Variants in PDZD2 observed in about 807,000 individuals in gnomAD.
PDZD2 encodes PDZ domain-containing protein 2.
A neutral mutation model predicts 220.7 loss-of-function variants in PDZD2; 90 were observed. The observed-to-expected ratio is 0.41, with a 90% CI of 0.34 to 0.49. The LOEUF (loss-of-function observed/expected upper bound fraction) is 0.49, where lower values mean the gene tolerates loss of function less well. Ranked by LOEUF, PDZD2 falls within the 20% of genes least tolerant of loss-of-function variation. The probability of loss-of-function intolerance (pLI) is 0.28; values close to 1 mark genes in which losing one functional copy is unlikely to be tolerated. For missense variants in PDZD2, 3,174 were observed against 3,608.5 expected (o/e 0.88, Z 3.08); for synonymous variants, 1,375 against 1,450.5 (o/e 0.95, Z 1.18).
intron 1 of PDZD2, among the ~76,000 whole-genome samples, chr5:31,735,247 T>A (rs1212594851): frequency 6.6e-6 from 1 of 152,178 alleles, no homozygotes; most frequent in African/African-American, 2.4e-5. Context: ...GTTCTGAAAT[T>A]GTGTTCGCAC....
intron 2 of PDZD2, among the ~76,000 whole-genome samples, chr5:31,844,759 C>T (rs1350928541): frequency 6.6e-6 from 1 of 152,172 alleles, no homozygotes; most frequent in African/African-American, 2.4e-5. Flanking sequence ...CTTCAACTCT[C>T]CTTTATAGAA....
chr5:32,046,533 G>A (rs371094096), intron 7 of PDZD2, among the ~76,000 whole-genome samples: 1 of 151,886 alleles, frequency 6.6e-6, no homozygotes, highest in South Asian at 2.1e-4. Flanking sequence ...ATGAGCCACC[G>A]CACCCAGCCT....
Position 31,896,225 on chromosome 5 carries a change from G to C in PDZD2, c.477-86930G>C, listed in dbSNP as rs75419511. ...TAACTGTGAGGTGGGGTAGAGACTTGAGAGTCCATGTCAGCTGGTTTCTTG... is the reference window on the plus strand; with the variant it reads ...TAACTGTGAGGTGGGGTAGAGACTTCAGAGTCCATGTCAGCTGGTTTCTTG... On this transcript the variant is annotated intron_variant, in intron 2 of 24. Coordinates refer to ENST00000438447, the MANE Select transcript of PDZD2 (RefSeq NM_178140.4). 3.5e-3 allele frequency among the ~76,000 whole-genome samples: 535 copies of C among 152,142 alleles called. 6 individuals are homozygous for C. The highest frequency in any genetic ancestry group is 0.012 in the African/African-American group (518 of 41,518).
At chr5:31,736,084 G>A (rs550359208) in intron 1 of PDZD2, among the ~76,000 whole-genome samples, 3 of 152,242 alleles carry the variant, frequency 2.0e-5, no homozygotes, top group South Asian at 4.1e-4. Flanking sequence ...CATCTAAAAC[G>A]GAGGTAATGC....
chr5:32,100,924 G>T, intron 23 of PDZD2, 181 bp from the exon 24 acceptor site: 1 of 1,596,026 alleles, frequency 6.3e-7, no homozygotes, highest in Non-Finnish European at 8.5e-7. Context: ...CCCCAGAATT[G>T]GGAGGCCAAC....
intron 2 of PDZD2, among the ~76,000 whole-genome samples, chr5:31,840,198 A>G (rs1757177885): frequency 1.3e-5 from 2 of 151,114 alleles, no homozygotes; most frequent in South Asian, 4.2e-4. Context: ...GATCATGCCA[A>G]TGCACTCGAG....
At chr5:31,947,314 C>G (rs2111578025) in intron 2 of PDZD2, among the ~76,000 whole-genome samples, 1 of 152,292 alleles carries the variant, frequency 6.6e-6, no homozygotes, top group Admixed American at 6.5e-5. Flanking sequence ...CCCATGTATG[C>G]AGGGTACAGA....
chr5:31,720,562 C>T (rs1748729308), intron 1 of PDZD2, among the ~76,000 whole-genome samples: 1 of 152,188 alleles, frequency 6.6e-6, no homozygotes, highest in African/African-American at 2.4e-5. Flanking sequence ...CGGGAGCCTT[C>T]AGAATGAAGA....
intron 2 of PDZD2, among the ~76,000 whole-genome samples, chr5:31,901,163 ATC>A (rs1159869704): frequency 3.1e-4 from 47 of 152,272 alleles, no homozygotes; most frequent in Middle Eastern, 3.4e-3. Flanking sequence ...CATGCCTGTA[ATC>A]CCAGCACTTT....
At chr5:31,877,411 A>G (rs1336531628) in intron 2 of PDZD2, among the ~76,000 whole-genome samples, 8 of 151,804 alleles carry the variant, frequency 5.3e-5, no homozygotes, top group Non-Finnish European at 1.0e-4. Context: ...TAGAGATGGG[A>G]TCTTGCTGCA....
intron 1 of PDZD2, among the ~76,000 whole-genome samples, chr5:31,726,445 C>T (rs1488376425): frequency 1.3e-5 from 2 of 152,214 alleles, no homozygotes; most frequent in Non-Finnish European, 2.9e-5. Context: ...AGGAGAATCA[C>T]TTGAACCCAA....
chr5:31,820,992 C>T (rs1370375487), intron 2 of PDZD2, among the ~76,000 whole-genome samples: 3 of 151,706 alleles, frequency 2.0e-5, no homozygotes, highest in Non-Finnish European at 4.4e-5. Context: ...TCTCTTGGGG[C>T]CCTCATCTGC....
chr5:31,648,237 AT>A (rs780608378), intron 1 of PDZD2, among the ~76,000 whole-genome samples: 1 of 152,008 alleles, frequency 6.6e-6, no homozygotes, highest in Non-Finnish European at 1.5e-5. Context: ...CATAGCCTTG[AT>A]TTCTCTGCTG....
intron 15 of PDZD2, 144 bp downstream of exon 15, chr5:32,069,794 C>T (rs1454901822): frequency 8.3e-6 from 5 of 601,620 alleles, no homozygotes; most frequent in Non-Finnish European, 1.5e-5. Flanking sequence ...TCTATGCTTT[C>T]TCTTGGCTGT....
At chr5:31,737,456 G>A (rs1447041949) in intron 1 of PDZD2, among the ~76,000 whole-genome samples, 1 of 152,152 alleles carries the variant, frequency 6.6e-6, no homozygotes, top group South Asian at 2.1e-4. Context: ...ACAGGCGTGA[G>A]CTACCGCGCC....
At position 31,995,678 on chromosome 5, in the gene PDZD2, A is replaced by G. The variant is rs375221519; in HGVS notation, c.1081A>G (p.Ile361Val). 4 of 1,613,968 alleles carry G rather than the reference A, an allele frequency of 2.5e-6. No individual in the cohort carries two copies. In the African/African-American group the frequency reaches 4.0e-5, roughly 16 times the overall value. The change falls in exon 4 of 25, where the codon ATC (isoleucine) becomes GTC (valine). Residue 361 changes from isoleucine (I) to valine (V), a missense_variant. Transcript: ENST00000438447. ...AGGATCAAAGCGCTCACCTCACGCT[A>G]TCGTTGTCACTCAAGTGAAGGAAGG... ...GRGSKRSPHA[I>V]VVTQVKEGGA...
At chr5:31,917,414 G>A (rs1375297556) in intron 2 of PDZD2, among the ~76,000 whole-genome samples, 2 of 152,200 alleles carry the variant, frequency 1.3e-5, no homozygotes, top group Admixed American at 6.5e-5. Context: ...TGCAGTCCCA[G>A]CTACTGAGGA....
At chr5:31,665,143 A>G (rs1745933162) in intron 1 of PDZD2, 1 of 152,214 alleles carries the variant, frequency 6.6e-6, no homozygotes, top group Admixed American at 6.5e-5. Context: ...TAAGAGAGGC[A>G]CCTAACCTGG....
chr5:31,748,175 TC>T (rs1232484442), intron 1 of PDZD2: 9 of 152,240 alleles, frequency 5.9e-5, no homozygotes, highest in African/African-American at 2.2e-4. Flanking sequence ...TAGCTCCATT[TC>T]CCAGACTGAG....
Sources: gnomAD v4.1 joint callset for allele counts (sites outside exome capture counted in the v4.1 genomes callset) on GRCh38, gnomAD v4.1.1 for gene constraint, MANE v1.5 for transcripts, NCBI Gene and HGNC (gene_info 2026-07-23, HGNC 2026-07-21) for gene names.